The following CRABP1 variants were observed in gnomAD, a reference collection of about 807,000 sequenced individuals.
The protein encoded by CRABP1 is cellular retinoic acid-binding protein 1.
A neutral mutation model predicts 16.4 loss-of-function variants in CRABP1; 9 were observed. The observed-to-expected ratio is 0.55, with a 90% confidence interval of 0.33 to 0.96. The LOEUF is 0.96. Ranked by LOEUF, CRABP1 falls within the 40% of genes least tolerant of loss-of-function variation. The pLI, the probability that CRABP1 is intolerant of heterozygous loss-of-function variation, is 0.03. For synonymous variants in CRABP1, 72 were observed against 70.4 expected, an observed-to-expected ratio of 1.02 and a Z score of -0.11; for missense variants, 157 against 186.0, an observed-to-expected ratio of 0.84 and a Z score of 0.91.
At chr15:78,346,596 G>A (rs186819073) in intron 3 of CRABP1, among the ~76,000 whole-genome samples, 1 of 152,220 alleles carries the variant, frequency 6.6e-6, no homozygotes, top group African/African-American at 2.4e-5. Flanking sequence ...TTGAACCTGG[G>A]AGGCAGAGGT....
chr15:78,347,829 T>A, intron 3 of CRABP1, 98 bp from the exon 4 acceptor site: 1 of 1,131,818 alleles, frequency 8.8e-7, no homozygotes, highest in Admixed American at 1.9e-5. Flanking sequence ...TACAAAGAGT[T>A]TTTAACAGGG....
At position 78,341,105 on chromosome 15, in the gene CRABP1, C is replaced by T. The variant is rs377695187; in HGVS notation, c.133C>T (p.Arg45Cys). 3.1e-6 allele frequency: 5 copies of T among 1,612,742 alleles called. No individual in the cohort carries two copies. The African/African-American group carries it at 5.3e-5, about 17-fold the overall frequency. Residue 45 changes from arginine (R) to cysteine (C), a missense_variant, in exon 2 of 4, where the codon CGC (arginine) becomes TGC (cysteine). Physicochemically the swap from Arg to Cys is radical, Grantham distance 180. Coordinates refer to ENST00000299529, the MANE Select transcript of CRABP1 (RefSeq NM_004378.3). This position sits in a 1 kb window ranked among gnomAD's most constrained non-coding sequence, Gnocchi z 5.3. ...AAASKPHVEI[R>C]QDGDQFYIKT... Reference sequence around the variant, plus strand: ...TGCGTCCAAGCCGCACGTGGAGATCCGCCAGGACGGGGATCAGTTCTACAT... The same window carrying T: ...TGCGTCCAAGCCGCACGTGGAGATCTGCCAGGACGGGGATCAGTTCTACAT...
At position 78,347,879 on chromosome 15, in the gene CRABP1, T is replaced by C. The variant is rs147715074; in HGVS notation, c.364-48T>C. On this transcript the variant is annotated intron_variant, in intron 3 of 3. Coordinates refer to ENST00000299529, the MANE Select transcript of CRABP1 (RefSeq NM_004378.3). ...ATTAGTGATATGCTTTAAACATTTT[T>C]GCACAGGCATCTGCACTGATTGGTT... is the stretch of plus-strand genomic sequence containing the variant. The C allele has an allele frequency of 1.5e-4, 240 of 1,590,598 alleles. 1 individual carries two copies. In the African/African-American group the frequency reaches 2.7e-3, roughly 18 times the overall value.
chr15:78,347,118 A>T (rs1168913993), intron 3 of CRABP1, among the ~76,000 whole-genome samples: 1 of 152,008 alleles, frequency 6.6e-6, no homozygotes, highest in Non-Finnish European at 1.5e-5. Context: ...CTTGTGGGCA[A>T]TATCATTTCA....
Position 78,343,506 on chromosome 15 carries a change from C to T in CRABP1, c.257C>T (p.Ala86Val). 1 of 1,613,918 alleles carries T rather than the reference C, an allele frequency of 6.2e-7. No homozygotes were observed. Among genetic ancestry groups the T allele is most frequent in the Non-Finnish European group, 8.5e-7 (1 of 1,179,844 alleles). ...TGGTTTTCCCGCCTGCAGAGTTTAG[C>T]CACTTGGGAGAATGAGAACAAGATC... ...TVDGRKCRSL[A>V]TWENENKIHC... Residue 86 changes from alanine (A) to valine (V), a missense_variant, in exon 3 of 4, where the codon GCC becomes GTC. Ala to Val is a moderately conservative substitution (Grantham distance 64). Transcript: ENST00000299529.
chr15:78,342,734 C>G (rs555824067), intron 2 of CRABP1, among the ~76,000 whole-genome samples: 2 of 152,314 alleles, frequency 1.3e-5, no homozygotes, highest in African/African-American at 4.8e-5. Flanking sequence ...TGCACTAAAT[C>G]TGATGAGGAG....
Position 78,341,357 on chromosome 15 carries a change from C to A in CRABP1, c.249+136C>A, listed in dbSNP as rs1174991436. 9.1e-6 allele frequency: 9 copies of A among 991,356 alleles called. No homozygotes were observed. The highest frequency in any genetic ancestry group is 1.4e-5 in the Non-Finnish European group (9 of 642,796). The allele number at this position is 991,356 out of a possible 1,614,324, so 61.4% of individuals were successfully genotyped here. A position where few individuals can be genotyped will look rare whatever the true frequency, so the allele number is the denominator to read the frequency against. ...GCAGGGTGTGTACACTGGCTGTTTG[C>A]AGAGGGGGTTTGTGCATCCTAGTTG... is the stretch of plus-strand genomic sequence containing the variant. On this transcript the variant is annotated intron_variant, in intron 2 of 3. Coordinates refer to ENST00000299529, the MANE Select transcript of CRABP1 (RefSeq NM_004378.3). The surrounding 1 kb of genome is among the most constrained non-coding windows in gnomAD (Gnocchi z 5.3).
intron 2 of CRABP1, among the ~76,000 whole-genome samples, chr15:78,342,795 C>T (rs1284111750): frequency 2.0e-5 from 3 of 152,180 alleles, no homozygotes; most frequent in Non-Finnish European, 4.4e-5. Flanking sequence ...AATCGTGCTC[C>T]TGATAGGCTG....
rs529613378 is a variant in CRABP1 at position 78,343,114 on chromosome 15, CA to C, written c.250-375del. 4.9e-3 allele frequency among the ~76,000 whole-genome samples: 721 copies of C among 146,976 alleles called. 3 individuals carry two copies. Among genetic ancestry groups the C allele is most frequent in the Non-Finnish European group, 5.1e-3 (340 of 66,598 alleles). On this transcript the variant is annotated intron_variant, in intron 2 of 3. Transcript: ENST00000299529. Reference sequence around the variant, plus strand: ...TGGGCAACAGAGCGAGACTCCATCTCAAAAAAAAAATGAATAAAAATAAATA... The same window carrying C: ...TGGGCAACAGAGCGAGACTCCATCTCAAAAAAAAATGAATAAAAATAAATA...
chr15:78,340,676 G>A (rs1363134847), intron 1 of CRABP1, 178 bp downstream of exon 1: 1 of 728,172 alleles, frequency 1.4e-6, no homozygotes, highest in African/African-American at 1.8e-5. Flanking sequence ...AGCTGGTAGA[G>A]ATCCCGGAAC....
chr15:78,340,681 C>A lies in CRABP1; in HGVS notation c.70+183C>A, dbSNP rs984168711. The A allele has an allele frequency of 4.2e-5, 29 of 690,514 alleles. No homozygotes were observed. The African/African-American group carries it at 4.7e-4, about 11-fold the overall frequency. 42.8% of individuals were successfully genotyped at this position (690,514 alleles called of 1,614,324 possible). A position where few individuals can be genotyped will look rare whatever the true frequency, so the allele number is the denominator to read the frequency against. Reference sequence around the variant, plus strand: ...GTCTCGGAGAAGCTGGTAGAGATCCCGGAACCCACGCGTTCAGCGAACGTT... The same window carrying A: ...GTCTCGGAGAAGCTGGTAGAGATCCAGGAACCCACGCGTTCAGCGAACGTT... On this transcript the variant is annotated intron_variant, in intron 1 of 3. Coordinates refer to ENST00000299529, the MANE Select transcript of CRABP1 (RefSeq NM_004378.3).
At chr15:78,345,567 T>C (rs1053514822) in intron 3 of CRABP1, among the ~76,000 whole-genome samples, 1 of 152,146 alleles carries the variant, frequency 6.6e-6, no homozygotes, top group African/African-American at 2.4e-5. Flanking sequence ...ATCGGTTTGC[T>C]CTGAGAAAGA....
At chr15:78,347,455 G>A (rs1318993084) in intron 3 of CRABP1, among the ~76,000 whole-genome samples, 1 of 152,184 alleles carries the variant, frequency 6.6e-6, no homozygotes, top group Non-Finnish European at 1.5e-5. Flanking sequence ...TGTCTCCCAG[G>A]TTAGATGACT....
chr15:78,340,652 C>A, intron 1 of CRABP1, 154 bp downstream of exon 1: 1 of 856,046 alleles, frequency 1.2e-6, no homozygotes, highest in South Asian at 1.8e-5. Flanking sequence ...CCCAGGCGCA[C>A]CGGGTCTCGG....
intron 2 of CRABP1, among the ~76,000 whole-genome samples, chr15:78,342,071 G>A (rs1223960954): frequency 6.6e-6 from 1 of 151,842 alleles, no homozygotes; most frequent in African/African-American, 2.4e-5. Context: ...CCTTTCCTGA[G>A]CAGTGCCTGG....
chr15:78,340,541 C>T, intron 1 of CRABP1, 43 bp downstream of exon 1: 1 of 1,585,572 alleles, frequency 6.3e-7, no homozygotes, highest in Non-Finnish European at 8.6e-7. Context: ...GAGATGCGGC[C>T]CGGAGGTGCC....
intron 2 of CRABP1, among the ~76,000 whole-genome samples, chr15:78,342,232 G>A (rs907563101): frequency 1.1e-4 from 17 of 152,088 alleles, no homozygotes; most frequent in African/African-American, 4.1e-4. Flanking sequence ...GGTGGGATCT[G>A]AAGCCTAAAC....
At chr15:78,342,102 C>A (rs1056565938) in intron 2 of CRABP1, among the ~76,000 whole-genome samples, 1 of 151,896 alleles carries the variant, frequency 6.6e-6, no homozygotes, top group Non-Finnish European at 1.5e-5. Context: ...GAATGGGACT[C>A]TCTGAGCACC....
At position 78,341,525 on chromosome 15, in the gene CRABP1, G is replaced by A. The variant is rs1296402898; in HGVS notation, c.249+304G>A. 2 of 387,504 alleles carry A rather than the reference G, an allele frequency of 5.2e-6. No individual in the cohort carries two copies. The highest frequency in any genetic ancestry group is 9.8e-6 in the Non-Finnish European group (2 of 204,524). 24.0% of individuals were successfully genotyped at this position (387,504 alleles called of 1,614,324 possible). A position where few individuals can be genotyped will look rare whatever the true frequency, so the allele number is the denominator to read the frequency against. The stretch of plus-strand genomic sequence containing the variant: ...GCAGTGGCTTTTGCAGCGGTTTGCA[G>A]CGCCAAGCGCAGGCGGCGCAGGAGG... On this transcript the variant is annotated intron_variant, in intron 2 of 3. Transcript: ENST00000299529. The surrounding 1 kb of genome is among the most constrained non-coding windows in gnomAD (Gnocchi z 5.3).
Sources: allele counts gnomAD v4.1 joint callset (sites outside exome capture counted in the v4.1 genomes callset), GRCh38; gene constraint gnomAD v4.1.1; non-coding constraint Gnocchi (gnomAD v3.1); transcripts MANE v1.5; gene names NCBI Gene and HGNC (gene_info 2026-07-23, HGNC 2026-07-21).